The following XRCC3 variants were observed in gnomAD, a reference collection of about 807,000 sequenced individuals.
XRCC3 encodes DNA repair protein XRCC3.
XRCC3 carries 34 observed loss-of-function variants against 29.2 expected under a neutral mutation model. The ratio of observed to expected loss-of-function variants is 1.16; its 90% CI spans 0.88 to 1.55. The LOEUF is 1.55. XRCC3 is among the 40% of genes most tolerant of loss of function. The pLI is 0.00. For missense variants in XRCC3, 463 were observed against 467.6 expected, an observed-to-expected ratio of 0.99 and a Z score of 0.09; for synonymous variants, 223 against 211.3, an observed-to-expected ratio of 1.06 and a Z score of -0.48.
At chr14:103,700,665 GCC>G in intron 7 of XRCC3, 1 of 1,607,562 alleles carries the variant, frequency 6.2e-7, no homozygotes, top group East Asian at 2.3e-5. Flanking sequence ...GGCGTCTCTG[GCC>G]GAGCCTCTTT....
chr14:103,702,988 C>CA, intron 7 of XRCC3, 185 bp downstream of exon 7: 1 of 871,264 alleles, frequency 1.1e-6, no homozygotes, highest in Non-Finnish European at 1.7e-6. Flanking sequence ...TCCTCTCAGT[C>CA]ACTCTCCATC....
rs1401900325 is a variant in XRCC3, at chr14:103,707,584, T to G, written c.194-369A>C. 5 of 390,184 alleles carry G rather than the reference T, an allele frequency of 1.3e-5. No homozygotes were observed. The East Asian group carries it at 2.9e-4, about 23-fold the overall frequency. 24.2% of individuals were successfully genotyped at this position (390,184 alleles called of 1,614,324 possible). On this transcript the variant is annotated intron_variant, in intron 5 of 9. Coordinates refer to ENST00000555055, the MANE Select transcript of XRCC3 (RefSeq NM_005432.4). ...TCTGTCCAGCTGGGATGCCCTGGGG[T>G]GCTGAACAGTTCTCAAGCGGCTTTA...
chr14:103,708,125 TC>T, intron 5 of XRCC3: 1 of 345,592 alleles, frequency 2.9e-6, no homozygotes, highest in South Asian at 2.4e-5. Context: ...CCTGGGTACC[TC>T]CTTCCCCTGC....
chr14:103,706,114 C>T lies in XRCC3; in HGVS notation c.406+889G>A, dbSNP rs1303524380. 2.6e-5 allele frequency: 9 copies of T among 349,608 alleles called. No individual in the cohort carries two copies. The East Asian group carries it at 6.9e-4, about 27-fold the overall frequency. 21.7% of individuals were successfully genotyped at this position (349,608 alleles called of 1,614,324 possible). A position where few individuals can be genotyped will look rare whatever the true frequency, so the allele number is the denominator to read the frequency against. ...TCTCAGGAGACCCCTCACCCTCCAC[C>T]CGACACGGAGGCTCAGGAGACCCCT... is the stretch of plus-strand genomic sequence containing the variant. On this transcript the variant is annotated intron_variant, in intron 6 of 9. Coordinates refer to ENST00000555055, the MANE Select transcript of XRCC3 (RefSeq NM_005432.4).
At chr14:103,706,677 G>A in intron 6 of XRCC3, 1 of 429,700 alleles carries the variant, frequency 2.3e-6, no homozygotes. Context: ...TGCTGGCTCT[G>A]TGGACTCTGG....
chr14:103,700,544 C>T (rs2083086922), intron 7 of XRCC3: 2 of 856,914 alleles, frequency 2.3e-6, no homozygotes, highest in Admixed American at 2.5e-5. Context: ...CCTAGGCTGT[C>T]CCTCAAGTCC....
rs77381814 is a variant in XRCC3, at chr14:103,699,410, C to T, written c.728G>A (p.Arg243His). Residue 243 changes from arginine (R) to histidine (H), a missense_variant, in exon 8 of 10, where the codon CGT becomes CAT. Arg to His is a conservative substitution (Grantham distance 29). Transcript: ENST00000555055. ...RHLQSLGATL[R>H]ELSSAFQSPV... The stretch of plus-strand genomic sequence containing the variant: ...GCTCTGGAAGGCACTGCTCAGCTCA[C>T]GCAGCGTGGCCCCCAGGGACTGCAG... 1,758 of 1,612,440 alleles carry T rather than the reference C, an allele frequency of 1.1e-3. 19 individuals carry two copies. In the African/African-American group the frequency reaches 0.02, roughly 18 times the overall value.
Position 103,699,562 on chromosome 14 carries a change from C to A in XRCC3, c.576G>T (p.Glu192Asp). 1 of 1,613,542 alleles carries A rather than the reference C, an allele frequency of 6.2e-7. No homozygotes were observed. Among genetic ancestry groups the A allele is most frequent in the Non-Finnish European group, 8.5e-7 (1 of 1,179,998 alleles). The change falls in exon 8 of 10, where the codon GAG becomes GAT. Residue 192 changes from glutamate to aspartate, a missense_variant. Coordinates refer to ENST00000555055, the MANE Select transcript of XRCC3 (RefSeq NM_005432.4). ...GTACGGGGACCTTCTTATTCACACA[C>A]TCCAACAAGGTGTCCTGTGGGGACA... Reference protein sequence around the residue: ...EHVADVDTLLECVNKKVPVLL... With the variant: ...EHVADVDTLLDCVNKKVPVLL...
chr14:103,711,422 T>C, intron 3 of XRCC3, 44 bp downstream of exon 3: 1 of 543,640 alleles, frequency 1.8e-6, no homozygotes, highest in South Asian at 1.5e-5. Context: ...GTGCTAGAAA[T>C]AAGACCATCC....
At chr14:103,712,475 C>T (rs1364266077) in intron 2 of XRCC3, 1 of 152,548 alleles carries the variant, frequency 6.6e-6, no homozygotes, top group Non-Finnish European at 1.5e-5. Flanking sequence ...CACTACACTG[C>T]CAAAGGAGAT....
chr14:103,701,237 C>A (rs762920881), intron 7 of XRCC3: 1 of 1,547,906 alleles, frequency 6.5e-7, no homozygotes. Flanking sequence ...ATGGGACTGC[C>A]GAGTGTGGCC....
chr14:103,711,076 A>C lies in XRCC3; in HGVS notation c.12T>G (p.Asp4Glu). The change falls in exon 4 of 10, where the codon GAT becomes GAG. Residue 4 changes from aspartate (D) to glutamate (E), a missense_variant. Coordinates refer to ENST00000555055, the MANE Select transcript of XRCC3 (RefSeq NM_005432.4). MDL[D>E]LLDLNPRIIA... Reference sequence around the variant, plus strand: ...TAATTCTGGGATTCAGGTCCAGTAGATCCAAATCCATTTTGTCGGTGGGCT... The same window carrying C: ...TAATTCTGGGATTCAGGTCCAGTAGCTCCAAATCCATTTTGTCGGTGGGCT... 1.2e-6 allele frequency: 2 copies of C among 1,614,184 alleles called. No individual in the cohort carries two copies. Among genetic ancestry groups the C allele is most frequent in the Non-Finnish European group, 1.7e-6 (2 of 1,180,030 alleles).
chr14:103,710,924 CA>C, intron 4 of XRCC3, 108 bp downstream of exon 4: 1 of 1,074,202 alleles, frequency 9.3e-7, no homozygotes, highest in Non-Finnish European at 1.4e-6. Context: ...GTTTAATAAT[CA>C]GGGTAGGCAA....
intron 7 of XRCC3, chr14:103,701,366 G>C (rs2151924954): frequency 1.4e-6 from 1 of 708,548 alleles, no homozygotes; most frequent in East Asian, 2.9e-5. Flanking sequence ...CACACGGCTG[G>C]CGTGACCTTG....
At chr14:103,700,932 A>G (rs2083140647) in intron 7 of XRCC3, among the ~76,000 whole-genome samples, 1 of 152,224 alleles carries the variant, frequency 6.6e-6, no homozygotes, top group Admixed American at 6.5e-5. Flanking sequence ...GAATGGCACC[A>G]GGCTCTGCTT....
intron 5 of XRCC3, chr14:103,707,945 G>A (rs532224774): frequency 2.3e-5 from 5 of 212,976 alleles, no homozygotes; most frequent in South Asian, 8.0e-5. Flanking sequence ...GTGTGTGGCC[G>A]TGGCACCTGC....
At chr14:103,701,187 A>G (rs1341408417) in intron 7 of XRCC3, 25 of 1,550,330 alleles carry the variant, frequency 1.6e-5, no homozygotes, top group Middle Eastern at 1.7e-4. Flanking sequence ...CTGACCTTCT[A>G]TCTTCTCTTG....
chr14:103,708,760 G>A (rs1567060551), intron 4 of XRCC3, 101 bp from the exon 5 acceptor site: 11 of 1,496,946 alleles, frequency 7.3e-6, no homozygotes, highest in Middle Eastern at 1.7e-4. Context: ...TGAGAGCACC[G>A]TGCTTCCGAT....
At position 103,703,042 on chromosome 14, in the gene XRCC3, TGCTGTGTTCAGA is replaced by T; in HGVS notation, c.561+119_561+130del. ...CTCGGGCGTAAACCCCCATGACCCA[TGCTGTGTTCAGA>T]GCTGAGCCCCAACTCTCCCTGCCCT... On this transcript the variant is annotated intron_variant, in intron 7 of 9. Coordinates refer to ENST00000555055, the MANE Select transcript of XRCC3 (RefSeq NM_005432.4). 16 of 1,389,986 alleles carry T rather than the reference TGCTGTGTTCAGA, an allele frequency of 1.2e-5. No homozygotes were observed. In the South Asian group the frequency reaches 1.9e-4, roughly 17 times the overall value. The allele number at this position is 1,389,986 out of a possible 1,614,324, so 86.1% of individuals were successfully genotyped here.
Sources: allele counts gnomAD v4.1 joint callset (sites outside exome capture counted in the v4.1 genomes callset), GRCh38; gene constraint gnomAD v4.1.1; transcripts MANE v1.5; gene names NCBI Gene and HGNC (gene_info 2026-07-23, HGNC 2026-07-21).